DYM: variants seen among roughly 807,000 people sequenced by gnomAD.
The protein encoded by DYM is dymeclin, also known as dyggve-Melchior-Clausen syndrome protein.
Under a neutral mutation model 93.1 loss-of-function variants are expected in DYM, and 78 were observed. That is an observed-to-expected ratio of 0.84 (90% confidence interval 0.70 to 1.01). The LOEUF (loss-of-function observed/expected upper bound fraction) is 1.01, where lower values mean the gene tolerates loss of function less well. Ranked by LOEUF, DYM falls within the 50% of genes least tolerant of loss-of-function variation. The probability of loss-of-function intolerance (pLI) is 0.00; values close to 1 mark genes in which losing one functional copy is unlikely to be tolerated. For missense variants in DYM, 789 were observed against 845.0 expected (o/e 0.93, Z 0.82); for synonymous variants, 321 against 319.7 (o/e 1.00, Z -0.04).
chr18:49,177,792 C>A (rs547700035), intron 14 of DYM, among the ~76,000 whole-genome samples: 7 of 152,190 alleles, frequency 4.6e-5, no homozygotes, highest in South Asian at 2.1e-4. Context: ...GTCCATTCCT[C>A]TTTTCTTCTT....
At chr18:49,436,298 G>T (rs2080860593) in intron 1 of DYM, among the ~76,000 whole-genome samples, 1 of 152,132 alleles carries the variant, frequency 6.6e-6, no homozygotes, top group Non-Finnish European at 1.5e-5. Context: ...TTAGAGGTAT[G>T]AGCCACCTCT....
chr18:49,202,427 G>A (rs1422858018), intron 14 of DYM, among the ~76,000 whole-genome samples: 49 of 147,160 alleles, frequency 3.3e-4, no homozygotes, highest in African/African-American at 1.2e-3. Flanking sequence ...CGTCTGGGAA[G>A]TGAGGAGTGT....
At chr18:49,274,479 A>C (rs568499187) in intron 10 of DYM, among the ~76,000 whole-genome samples, 3 of 152,262 alleles carry the variant, frequency 2.0e-5, no homozygotes, top group Non-Finnish European at 2.9e-5. Flanking sequence ...TCCTGCAGAC[A>C]TATACTCATT....
rs530485152 is a variant in DYM at position 49,425,319 on chromosome 18, G to T, written c.140+4936C>A. Reference sequence around the variant, plus strand: ...AAGGATTCCCTATTTAATAAATGGTGCTGGGAAAACTGGCTAGCCATATGT... The same window carrying T: ...AAGGATTCCCTATTTAATAAATGGTTCTGGGAAAACTGGCTAGCCATATGT... On this transcript the variant is annotated intron_variant, in intron 2 of 17. Coordinates refer to ENST00000675505, the MANE Select transcript of DYM (RefSeq NM_001353214.3). Among the ~76,000 whole-genome samples, 3 of 152,296 alleles carry T rather than the reference G, an allele frequency of 2.0e-5. No homozygotes were observed. In the East Asian group the frequency reaches 5.8e-4, roughly 29 times the overall value.
intron 15 of DYM, among the ~76,000 whole-genome samples, chr18:49,126,921 T>C (rs975709763): frequency 5.9e-5 from 9 of 152,252 alleles, no homozygotes; most frequent in African/African-American, 2.4e-5. Context: ...CCCACTCTTA[T>C]TAATTTATAA....
At chr18:49,212,199 G>A (rs1036987610) in intron 13 of DYM, among the ~76,000 whole-genome samples, 7 of 152,160 alleles carry the variant, frequency 4.6e-5, no homozygotes, top group African/African-American at 1.7e-4. Context: ...TAAAAAAGAT[G>A]AAAGAAGACA....
rs1170598032 is a variant in DYM, at chr18:49,430,577, A to G, written c.-53-130T>C. 3 of 749,346 alleles carry G rather than the reference A, an allele frequency of 4.0e-6. No individual in the cohort carries two copies. The Admixed American group carries it at 8.7e-5, about 22-fold the overall frequency. The allele number at this position is 749,346 out of a possible 1,614,324, so 46.4% of individuals were successfully genotyped here. A position where few individuals can be genotyped will look rare whatever the true frequency, so the allele number is the denominator to read the frequency against. Reference sequence around the variant, plus strand: ...TATTTATAAATATATTAGACATCAGATACAAAGTTACAAGAAATATGGGGC... The same window carrying G: ...TATTTATAAATATATTAGACATCAGGTACAAAGTTACAAGAAATATGGGGC... On this transcript the variant is annotated intron_variant, in intron 1 of 17. Transcript: ENST00000675505.
chr18:49,168,385 A>C (rs1026643264), intron 14 of DYM, among the ~76,000 whole-genome samples: 11 of 152,238 alleles, frequency 7.2e-5, no homozygotes, highest in Non-Finnish European at 1.2e-4. Flanking sequence ...GCTATCTTGA[A>C]GAAAACAGAG....
intron 11 of DYM, among the ~76,000 whole-genome samples, chr18:49,259,743 TA>T (rs1485527718): frequency 6.6e-6 from 1 of 152,212 alleles, no homozygotes; most frequent in African/African-American, 2.4e-5. Flanking sequence ...AGATTTGTTT[TA>T]AAAAATAGAA....
chr18:49,343,072 C>A (rs1229108683), intron 6 of DYM, among the ~76,000 whole-genome samples: 1 of 152,160 alleles, frequency 6.6e-6, no homozygotes, highest in African/African-American at 2.4e-5. Context: ...ATGTCAAGAA[C>A]CTAATTTCCA....
intron 17 of DYM, among the ~76,000 whole-genome samples, chr18:49,092,612 G>A (rs998903907): frequency 2.6e-5 from 4 of 152,128 alleles, no homozygotes; most frequent in African/African-American, 9.7e-5. Flanking sequence ...TCAAAGTGGG[G>A]GTAAAATAAC....
At chr18:49,188,582 C>T (rs1288043314) in intron 14 of DYM, among the ~76,000 whole-genome samples, 4 of 152,022 alleles carry the variant, frequency 2.6e-5, no homozygotes, top group Non-Finnish European at 5.9e-5. Flanking sequence ...AGCAAACTAT[C>T]GCAAGGACAA....
chr18:49,124,772 A>G (rs1424712676), intron 15 of DYM, among the ~76,000 whole-genome samples: 1 of 152,242 alleles, frequency 6.6e-6, no homozygotes, highest in Non-Finnish European at 1.5e-5. Context: ...CTAACAATAT[A>G]CTGTGGGAGG....
At chr18:49,364,432 A>G (rs1038345055) in intron 5 of DYM, among the ~76,000 whole-genome samples, 1 of 151,904 alleles carries the variant, frequency 6.6e-6, no homozygotes, top group Non-Finnish European at 1.5e-5. Context: ...GTGACAAAAC[A>G]AGACTGTGTC....
At chr18:49,396,306 G>C (rs1342963468) in intron 2 of DYM, among the ~76,000 whole-genome samples, 3 of 152,160 alleles carry the variant, frequency 2.0e-5, no homozygotes, top group African/African-American at 7.2e-5. Flanking sequence ...ATTAAAAATA[G>C]AACTACCATA....
At chr18:49,290,159 A>G (rs548018861) in intron 8 of DYM, among the ~76,000 whole-genome samples, 37 of 152,224 alleles carry the variant, frequency 2.4e-4, no homozygotes, top group African/African-American at 8.4e-4. Flanking sequence ...TAATGGTCCA[A>G]TAATGTAAAC....
chr18:49,289,404 T>TAAAAAAAAAAAAAAAAAAAA (rs56240607), intron 8 of DYM, among the ~76,000 whole-genome samples: 6 of 33,524 alleles, frequency 1.8e-4, no homozygotes, highest in African/African-American at 6.1e-4. Context: ...TACAAATCAG[T>TAAAAAAAAAAAAAAAAAAAA]AAAAAAAAAA....
chr18:49,056,568 C>G (rs998986674), intron 17 of DYM, among the ~76,000 whole-genome samples: 5 of 152,310 alleles, frequency 3.3e-5, no homozygotes, highest in African/African-American at 1.2e-4. Context: ...GACAGAGTCT[C>G]ACTCTGTTGG....
intron 6 of DYM, among the ~76,000 whole-genome samples, chr18:49,338,081 G>C (rs1390436537): frequency 6.6e-6 from 1 of 152,082 alleles, no homozygotes; most frequent in East Asian, 1.9e-4. Flanking sequence ...AAAAAATCAA[G>C]AAACTATTCA....
Sources: allele counts gnomAD v4.1 joint callset (sites outside exome capture counted in the v4.1 genomes callset), GRCh38; gene constraint gnomAD v4.1.1; transcripts MANE v1.5; gene names NCBI Gene and HGNC (gene_info 2026-07-23, HGNC 2026-07-21).